PDE3B: variants seen among roughly 807,000 people sequenced by gnomAD.
PDE3B encodes cGMP-inhibited 3',5'-cyclic phosphodiesterase 3B.
A neutral mutation model predicts 116.8 loss-of-function variants in PDE3B; 66 were observed. The observed-to-expected ratio is 0.56, with a 90% CI of 0.46 to 0.69. The LOEUF (loss-of-function observed/expected upper bound fraction) is 0.69, where lower values mean the gene tolerates loss of function less well. PDE3B is among the 30% of genes least tolerant of loss of function. The probability of loss-of-function intolerance (pLI) is 0.00; values close to 1 mark genes in which losing one functional copy is unlikely to be tolerated. For missense variants in PDE3B, 1,384 were observed against 1,368.1 expected, an observed-to-expected ratio of 1.01 and a Z score of -0.18; for synonymous variants, 595 against 533.6, an observed-to-expected ratio of 1.12 and a Z score of -1.59.
intron 2 of PDE3B, among the ~76,000 whole-genome samples, chr11:14,777,772 G>C (rs1177363644): frequency 6.6e-6 from 1 of 152,146 alleles, no homozygotes; most frequent in Non-Finnish European, 1.5e-5. Flanking sequence ...ATGAGGTACT[G>C]GGTTCATCTC....
rs147314505 is a variant in PDE3B, at chr11:14,673,392, T to A, written c.978+28339T>A. Among the ~76,000 whole-genome samples, 288 of 152,038 alleles carry A rather than the reference T, an allele frequency of 1.9e-3. 1 individual carries two copies. The highest frequency in any genetic ancestry group is 6.4e-3 in the African/African-American group (264 of 41,500). On this transcript the variant is annotated intron_variant, in intron 1 of 15. Transcript: ENST00000282096. ...TGTCCATCATTGAATACACTGGTAG[T>A]GACTTTGAAATTAAAAAAAAAAAGA... is the stretch of plus-strand genomic sequence containing the variant.
chr11:14,808,805 CA>C (rs1271112144), intron 5 of PDE3B, among the ~76,000 whole-genome samples: 3 of 152,038 alleles, frequency 2.0e-5, no homozygotes, highest in Non-Finnish European at 4.4e-5. Context: ...ATAAATTTAG[CA>C]AAATAGTACA....
chr11:14,665,003 A>G (rs1854082206), intron 1 of PDE3B, among the ~76,000 whole-genome samples: 1 of 152,246 alleles, frequency 6.6e-6, no homozygotes, highest in Non-Finnish European at 1.5e-5. Context: ...ATGAACATTG[A>G]TGCAAAAATC....
intron 12 of PDE3B, among the ~76,000 whole-genome samples, chr11:14,848,525 A>G (rs1007722587): frequency 1.1e-4 from 16 of 152,164 alleles, no homozygotes; most frequent in East Asian, 5.8e-4. Context: ...AGGGCATTCA[A>G]TTAGGAAAAG....
intron 7 of PDE3B, among the ~76,000 whole-genome samples, chr11:14,821,505 A>C (rs142053037): frequency 6.6e-6 from 1 of 152,212 alleles, no homozygotes; most frequent in African/African-American, 2.4e-5. Context: ...TTAGGAGTTC[A>C]TATCATTAAA....
chr11:14,806,871 A>AAAAAAAAAAG (rs1565145912), intron 5 of PDE3B, among the ~76,000 whole-genome samples: 3 of 150,348 alleles, frequency 2.0e-5, no homozygotes, highest in Admixed American at 6.7e-5. Flanking sequence ...AAAAAAAAAA[A>AAAAAAAAAAG]AAAAAAAAAG....
At chr11:14,889,224 A>G in the PDE3B span, among the ~76,000 whole-genome samples, 1 of 150,890 alleles carries the variant, frequency 6.6e-6, no homozygotes, top group African/African-American at 2.4e-5. Flanking sequence ...GAAAACTAAG[A>G]TTTTATTTAA....
the PDE3B span, among the ~76,000 whole-genome samples, chr11:14,883,554 A>C: frequency 1.4e-4 from 22 of 151,896 alleles, no homozygotes; most frequent in South Asian, 3.3e-3. Context: ...TAAAGACTTA[A>C]ACGTTAGACC....
the PDE3B span, among the ~76,000 whole-genome samples, chr11:14,888,261 A>G: frequency 1.3e-5 from 2 of 152,218 alleles, no homozygotes; most frequent in South Asian, 2.1e-4. Flanking sequence ...AAGCTACATA[A>G]GGGCAGGAAT....
intron 1 of PDE3B, among the ~76,000 whole-genome samples, chr11:14,767,000 A>G (rs73418610): frequency 0.082 from 12,412 of 151,574 alleles, 528 homozygotes; most frequent in Middle Eastern, 0.13. Context: ...CTTTCAGCAT[A>G]ATATTTATCG....
At position 14,833,343 on chromosome 11, in the gene PDE3B, G is replaced by A. The variant is rs990488960; in HGVS notation, c.2206+510G>A. On this transcript the variant is annotated intron_variant, in intron 10 of 15. Coordinates refer to ENST00000282096, the MANE Select transcript of PDE3B (RefSeq NM_000922.4). ...ACTGTTAACATTTTGTCTGTTTTTT[G>A]TTAACATTTTGGTATATATTCTCCA... 3.9e-5 allele frequency among the ~76,000 whole-genome samples: 6 copies of A among 152,080 alleles called. No individual in the cohort carries two copies. The East Asian group carries it at 1.2e-3, about 29-fold the overall frequency.
At chr11:14,776,930 A>T (rs1429734193) in intron 2 of PDE3B, among the ~76,000 whole-genome samples, 1 of 152,112 alleles carries the variant, frequency 6.6e-6, no homozygotes, top group Admixed American at 6.5e-5. Context: ...CAACACTAAG[A>T]TGAATCAGAT....
chr11:14,820,535 G>T (rs1859483594), intron 7 of PDE3B, among the ~76,000 whole-genome samples: 1 of 152,178 alleles, frequency 6.6e-6, no homozygotes, highest in African/African-American at 2.4e-5. Flanking sequence ...TGTAATGATT[G>T]TTGATAACTG....
intron 4 of PDE3B, among the ~76,000 whole-genome samples, chr11:14,796,290 G>T (rs1858551024): frequency 6.6e-6 from 1 of 152,132 alleles, no homozygotes; most frequent in African/African-American, 2.4e-5. Context: ...GGACACTTCG[G>T]TTGGTTCCAA....
intron 1 of PDE3B, among the ~76,000 whole-genome samples, chr11:14,654,152 G>A (rs1413656162): frequency 1.3e-5 from 2 of 152,112 alleles, no homozygotes; most frequent in African/African-American, 4.8e-5. Context: ...AAAAATGTCT[G>A]TAAAATAGCA....
chr11:14,700,823 A>G (rs907450297), intron 1 of PDE3B: 1 of 151,824 alleles, frequency 6.6e-6, no homozygotes, highest in African/African-American at 2.4e-5. Flanking sequence ...GGAAGAGCAA[A>G]AGGTCAGTTG....
At chr11:14,895,859 C>G in the PDE3B span, among the ~76,000 whole-genome samples, 1 of 152,144 alleles carries the variant, frequency 6.6e-6, no homozygotes, top group South Asian at 2.1e-4. Context: ...TGAATTTAAT[C>G]CCACATTTAC....
chr11:14,893,735 GA>G, the PDE3B span, among the ~76,000 whole-genome samples: 12 of 152,094 alleles, frequency 7.9e-5, no homozygotes, highest in Non-Finnish European at 1.6e-4. Flanking sequence ...GGATCGTTGT[GA>G]TTATATTGGG....
At chr11:14,705,943 G>A (rs1243370622) in intron 1 of PDE3B, among the ~76,000 whole-genome samples, 1 of 151,806 alleles carries the variant, frequency 6.6e-6, no homozygotes, top group Non-Finnish European at 1.5e-5. Flanking sequence ...TAAAAATGTG[G>A]CAATAGTCAC....
Sources: allele counts gnomAD v4.1 joint callset (sites outside exome capture counted in the v4.1 genomes callset), GRCh38; gene constraint gnomAD v4.1.1; transcripts MANE v1.5; gene names NCBI Gene and HGNC (gene_info 2026-07-23, HGNC 2026-07-21).